POGZ: variants seen among roughly 807,000 people sequenced by gnomAD.
POGZ encodes the protein pogo transposable element derived with ZNF domain.
Under a neutral mutation model 134.6 loss-of-function variants are expected in POGZ, and 17 were observed. That is an observed-to-expected ratio of 0.13 (90% CI 0.09 to 0.19). The LOEUF (loss-of-function observed/expected upper bound fraction) is 0.19, where lower values mean the gene tolerates loss of function less well. POGZ is among the 10% of genes least tolerant of loss of function. The pLI, the probability that POGZ is intolerant of heterozygous loss-of-function variation, is 1.00. For synonymous variants in POGZ, 693 were observed against 657.1 expected (o/e 1.05, Z -0.84); for missense variants, 1,306 against 1,769.7 (o/e 0.74, Z 4.70).
chr1:151,409,894 C>G (rs1277853393), intron 12 of POGZ, among the ~76,000 whole-genome samples: 1 of 152,194 alleles, frequency 6.6e-6, no homozygotes, highest in Admixed American at 6.5e-5. Flanking sequence ...GAACCCATGT[C>G]TATGATTTTC....
intron 3 of POGZ, among the ~76,000 whole-genome samples, chr1:151,431,843 G>C (rs748716579): frequency 4.6e-5 from 7 of 152,064 alleles, no homozygotes; most frequent in African/African-American, 1.7e-4. Context: ...AAACCAGATA[G>C]AAAATTTCAG....
At chr1:151,418,665 A>G (rs1656226783) in intron 10 of POGZ, among the ~76,000 whole-genome samples, 1 of 152,198 alleles carries the variant, frequency 6.6e-6, no homozygotes, top group Non-Finnish European at 1.5e-5. Flanking sequence ...ATATAAATGT[A>G]TATTAGATTA....
intron 1 of POGZ, among the ~76,000 whole-genome samples, chr1:151,458,861 C>A (rs986772020): frequency 6.9e-6 from 1 of 145,656 alleles, no homozygotes; most frequent in Non-Finnish European, 1.5e-5. Context: ...GGCCGGCCAG[C>A]CGGCAGGCAG....
intron 3 of POGZ, among the ~76,000 whole-genome samples, chr1:151,436,862 A>G (rs888974659): frequency 2.6e-5 from 4 of 152,210 alleles, no homozygotes; most frequent in Admixed American, 6.5e-5. Context: ...GTATACAGCT[A>G]GGAGTAGAAC....
Position 151,408,012 on chromosome 1 carries a change from C to CAA in POGZ, c.2375+86_2375+87dup, listed in dbSNP as rs776996426. 32 of 910,248 alleles carry CAA rather than the reference C, an allele frequency of 3.5e-5. No homozygotes were observed. In the African/African-American group the frequency reaches 5.4e-4, roughly 15 times the overall value. 56.4% of individuals were successfully genotyped at this position (910,248 alleles called of 1,614,324 possible). ...AGGGGACAGAGTGAGACCCTGTCTT[C>CAA]AAAAAAAAAAAAAAAAAAAGAAGAA... On this transcript the variant is annotated intron_variant, in intron 15 of 18. Coordinates refer to ENST00000271715, the MANE Select transcript of POGZ (RefSeq NM_015100.4).
chr1:151,430,939 T>C, intron 3 of POGZ, 98 bp from the exon 4 acceptor site: 1 of 712,650 alleles, frequency 1.4e-6, no homozygotes, highest in Non-Finnish European at 1.9e-6. Context: ...TTTTATTTTA[T>C]TTTATTTTAT....
intron 3 of POGZ, among the ~76,000 whole-genome samples, chr1:151,433,606 CAAAAA>C (rs57509550): frequency 4.9e-5 from 4 of 81,738 alleles, no homozygotes; most frequent in Admixed American, 1.5e-4. Flanking sequence ...AATTCCGTCT[CAAAAA>C]AAAAAAAAAA....
intron 1 of POGZ, among the ~76,000 whole-genome samples, chr1:151,452,092 C>T (rs1451107576): frequency 2.5e-5 from 3 of 122,236 alleles, no homozygotes; most frequent in Non-Finnish European, 4.9e-5. Flanking sequence ...AGCAAGACTC[C>T]GTCTCAAAAA....
chr1:151,430,613 G>A (rs1658529315), intron 4 of POGZ, 53 bp downstream of exon 4: 12 of 1,408,092 alleles, frequency 8.5e-6, no homozygotes, highest in Non-Finnish European at 1.1e-5. Context: ...AGTTTTCAGA[G>A]GTTTATAGTC....
intron 3 of POGZ, among the ~76,000 whole-genome samples, chr1:151,440,092 G>A (rs1053777778): frequency 6.6e-6 from 1 of 151,616 alleles, no homozygotes; most frequent in African/African-American, 2.4e-5. Context: ...ACATATAGAT[G>A]TATATAAAAA....
intron 1 of POGZ, among the ~76,000 whole-genome samples, chr1:151,458,844 C>T (rs1184227034): frequency 6.9e-6 from 1 of 145,302 alleles, no homozygotes; most frequent in Non-Finnish European, 1.5e-5. Context: ...CGCCGGGGGG[C>T]GGGGGCGGCC....
intron 1 of POGZ, among the ~76,000 whole-genome samples, chr1:151,451,430 G>A (rs1020233806): frequency 4.0e-5 from 6 of 151,810 alleles, no homozygotes; most frequent in East Asian, 3.9e-4. Flanking sequence ...GGGTGCAAGC[G>A]ATTCTCTTGC....
At chr1:151,408,020 A>G in intron 15 of POGZ, 80 bp downstream of exon 15, 1 of 1,026,282 alleles carries the variant, frequency 9.7e-7, no homozygotes, top group East Asian at 2.6e-5. Context: ...TTCAAAAAAA[A>G]AAAAAAAAAA....
intron 3 of POGZ, among the ~76,000 whole-genome samples, chr1:151,438,834 G>A (rs748673757): frequency 1.3e-5 from 2 of 151,608 alleles, no homozygotes; most frequent in African/African-American, 4.9e-5. Flanking sequence ...CTGTGTTCAC[G>A]CCACTGCACT....
At chr1:151,455,613 C>G (rs919166583) in intron 1 of POGZ, among the ~76,000 whole-genome samples, 1 of 152,158 alleles carries the variant, frequency 6.6e-6, no homozygotes, top group Non-Finnish European at 1.5e-5. Flanking sequence ...TTAAGACAAG[C>G]CCATTATAAG....
chr1:151,408,857 A>G, intron 12 of POGZ, 29 bp from the exon 13 acceptor site: 1 of 1,602,130 alleles, frequency 6.2e-7, no homozygotes, highest in Non-Finnish European at 8.5e-7. Context: ...AAAAAGAGAC[A>G]AAATCCCTTA....
chr1:151,411,843 G>T, intron 11 of POGZ, 72 bp from the exon 12 acceptor site: 3 of 1,318,370 alleles, frequency 2.3e-6, no homozygotes, highest in South Asian at 1.7e-5. Context: ...AAAAAAGGTA[G>T]CAACAAAAAT....
Position 151,405,503 on chromosome 1 carries a change from C to T in POGZ, c.3532G>A (p.Gly1178Arg), listed in dbSNP as rs376234308. Residue 1178 changes from glycine to arginine, a missense_variant, in exon 19 of 19, where the codon GGG (glycine) becomes AGG (arginine). Around this residue, in one of 10 missense-constraint regions of POGZ, gnomAD observed 161 missense variants for 185.4 expected, o/e 0.87. Coordinates refer to ENST00000271715, the MANE Select transcript of POGZ (RefSeq NM_015100.4). This position sits in a 1 kb window ranked among gnomAD's most constrained non-coding sequence, Gnocchi z 4.9. ...TVLPTLVFYR[G>R]QMDQPANMPD... ...ATGTTAGCAGGCTGATCCATCTGCC[C>T]TCTGTAGAAAACCAGGGTGGGAAGG... 1 of 1,614,102 alleles carries T rather than the reference C, an allele frequency of 6.2e-7. No individual in the cohort carries two copies. The highest frequency in any genetic ancestry group is 8.5e-7 in the Non-Finnish European group (1 of 1,180,054).
intron 1 of POGZ, among the ~76,000 whole-genome samples, chr1:151,447,444 T>G (rs1661432628): frequency 6.6e-6 from 1 of 151,876 alleles, no homozygotes; most frequent in South Asian, 2.1e-4. Context: ...TATCTAGTCA[T>G]TATCCCAATT....
Sources: allele counts gnomAD v4.1 joint callset (sites outside exome capture counted in the v4.1 genomes callset), GRCh38; gene constraint gnomAD v4.1.1; regional missense constraint gnomAD v4.1.1; non-coding constraint Gnocchi (gnomAD v3.1); transcripts MANE v1.5; gene names NCBI Gene and HGNC (gene_info 2026-07-23, HGNC 2026-07-21).